ATF7IP: variants seen among roughly 807,000 people sequenced by gnomAD.
ATF7IP encodes activating transcription factor 7-interacting protein 1.
ATF7IP carries 23 observed loss-of-function variants against 106.4 expected under a neutral mutation model. The ratio of observed to expected loss-of-function variants is 0.22; its 90% CI spans 0.16 to 0.31. ATF7IP has a LOEUF of 0.31. ATF7IP is among the 10% of genes least tolerant of loss of function. The probability of loss-of-function intolerance (pLI) is 1.00; values close to 1 mark genes in which losing one functional copy is unlikely to be tolerated. For synonymous variants in ATF7IP, 542 were observed against 539.0 expected, an observed-to-expected ratio of 1.01 and a Z score of -0.08; for missense variants, 1,334 against 1,524.3, an observed-to-expected ratio of 0.88 and a Z score of 2.08.
chr12:14,410,229 G>A lies in ATF7IP; in HGVS notation c.-7-13680G>A, dbSNP rs568603857. On this transcript the variant is annotated intron_variant, in intron 1 of 14. Coordinates refer to ENST00000261168, the MANE Select transcript of ATF7IP (RefSeq NM_018179.5). Reference sequence around the variant, plus strand: ...TGGTTTTAGCTGTCTGTAGTCAACCGTGGGTAATATTAAGTGGAAAAATTT... The same window carrying A: ...TGGTTTTAGCTGTCTGTAGTCAACCATGGGTAATATTAAGTGGAAAAATTT... Among the ~76,000 whole-genome samples the A allele has an allele frequency of 5.1e-4, 78 of 152,228 alleles. 1 individual carries two copies. Among genetic ancestry groups the A allele is most frequent in the African/African-American group, 1.5e-3 (64 of 41,544 alleles).
intron 1 of ATF7IP, among the ~76,000 whole-genome samples, chr12:14,393,836 A>G (rs1222875676): frequency 6.6e-6 from 1 of 152,156 alleles, no homozygotes; most frequent in Non-Finnish European, 1.5e-5. Context: ...GTATTAGTAG[A>G]TAATAAATTA....
chr12:14,397,223 G>A (rs1939900798), intron 1 of ATF7IP, among the ~76,000 whole-genome samples: 1 of 152,022 alleles, frequency 6.6e-6, no homozygotes, highest in Non-Finnish European at 1.5e-5. Context: ...TGAGGATAAA[G>A]GTATATAGTC....
intron 11 of ATF7IP, 65 bp downstream of exon 11, chr12:14,476,033 A>T (rs1944252518): frequency 1.8e-6 from 2 of 1,117,952 alleles, no homozygotes; most frequent in East Asian, 2.4e-5. Flanking sequence ...AATACGGTAC[A>T]GTATTCTACA....
intron 10 of ATF7IP, among the ~76,000 whole-genome samples, chr12:14,468,757 G>A (rs1218324703): frequency 6.6e-6 from 1 of 152,152 alleles, no homozygotes; most frequent in African/African-American, 2.4e-5. Flanking sequence ...GAGTTTTATT[G>A]TGTAATAAGA....
chr12:14,376,626 T>A (rs753411550), intron 1 of ATF7IP, among the ~76,000 whole-genome samples: 4 of 152,252 alleles, frequency 2.6e-5, no homozygotes, highest in Non-Finnish European at 5.9e-5. Context: ...AGCTTTCATC[T>A]GCAGTACCTA....
At chr12:14,455,244 G>A (rs1305968308) in intron 6 of ATF7IP, among the ~76,000 whole-genome samples, 3 of 150,118 alleles carry the variant, frequency 2.0e-5, no homozygotes, top group Non-Finnish European at 4.4e-5. Context: ...TTCCCTAAAA[G>A]CTTTTCTTTT....
At chr12:14,378,700 G>A (rs1938871042) in intron 1 of ATF7IP, among the ~76,000 whole-genome samples, 1 of 152,006 alleles carries the variant, frequency 6.6e-6, no homozygotes, top group South Asian at 2.1e-4. Flanking sequence ...AGAATTGACT[G>A]GTTTGTACAA....
At chr12:14,497,555 A>G in intron 14 of ATF7IP, 99 bp from the exon 15 acceptor site, 1 of 1,224,436 alleles carries the variant, frequency 8.2e-7, no homozygotes, top group Non-Finnish European at 1.1e-6. Flanking sequence ...TTGATATAAA[A>G]TGATACTTCT....
At chr12:14,431,587 G>C (rs979253768) in intron 2 of ATF7IP, among the ~76,000 whole-genome samples, 21 of 151,976 alleles carry the variant, frequency 1.4e-4, no homozygotes, top group East Asian at 7.8e-4. Flanking sequence ...GTAGAGACAG[G>C]GTTTCACCAT....
chr12:14,446,939 GTAATAC>G, intron 5 of ATF7IP, 43 bp from the exon 6 acceptor site: 1 of 1,254,312 alleles, frequency 8.0e-7, no homozygotes, highest in African/African-American at 1.9e-5. Flanking sequence ...TTTTAATGCT[GTAATAC>G]TATTTGATTT....
At chr12:14,376,148 A>G (rs568662863) in intron 1 of ATF7IP, among the ~76,000 whole-genome samples, 22 of 152,356 alleles carry the variant, frequency 1.4e-4, no homozygotes, top group Middle Eastern at 3.4e-3. Flanking sequence ...TCTCACATTG[A>G]TTGTCATATC....
chr12:14,458,188 G>A (rs951330319), intron 8 of ATF7IP, among the ~76,000 whole-genome samples: 1 of 151,996 alleles, frequency 6.6e-6, no homozygotes, highest in African/African-American at 2.4e-5. Context: ...AAATGAAACT[G>A]TGTATTTTCC....
intron 9 of ATF7IP, among the ~76,000 whole-genome samples, chr12:14,465,116 T>C (rs1943780268): frequency 6.6e-6 from 1 of 152,000 alleles, no homozygotes; most frequent in South Asian, 2.1e-4. Flanking sequence ...CTCAGGAGGC[T>C]GAGACGTGAG....
chr12:14,468,938 A>G (rs1943935751), intron 10 of ATF7IP, among the ~76,000 whole-genome samples: 3 of 152,246 alleles, frequency 2.0e-5, no homozygotes, highest in Admixed American at 2.0e-4. Flanking sequence ...GCTAGCAGAT[A>G]GAAACTAGTG....
At position 14,497,712 on chromosome 12, in the gene ATF7IP, T is replaced by A. The variant is rs374729561; in HGVS notation, c.3452T>A (p.Leu1151Gln). ...CCAGAAGCTCCACAACCACAGCGTC[T>A]GCCCCCAGAAGCTGCCAGCACATCT... The part of the protein sequence containing the change: ...PLPEAPQPQR[L>Q]PPEAASTSLP... The change falls in exon 15 of 15, where the codon CTG (leucine) becomes CAG (glutamine). Residue 1151 changes from leucine (L) to glutamine (Q), a missense_variant. Transcript: ENST00000261168. 1 of 1,614,194 alleles carries A rather than the reference T, an allele frequency of 6.2e-7. No homozygotes were observed. The highest frequency in any genetic ancestry group is 8.5e-7 in the Non-Finnish European group (1 of 1,180,038).
chr12:14,420,064 A>G (rs1941414057), intron 1 of ATF7IP: 2 of 152,320 alleles, frequency 1.3e-5, no homozygotes, highest in South Asian at 4.1e-4. Context: ...TTTGTAATTG[A>G]AAAAGTTAGG....
In ATF7IP at chr12:14,438,165, G is replaced by C; in HGVS notation, c.1827G>C (p.Ala609=). 1 of 1,613,194 alleles carries C rather than the reference G, an allele frequency of 6.2e-7. No individual in the cohort carries two copies. Among genetic ancestry groups the C allele is most frequent in the Non-Finnish European group, 8.5e-7 (1 of 1,179,896 alleles). ...IQWLLEEKLC[A]LQCAVFDKTL... is the part of the protein sequence containing the mutation. ...GGTTGCTGGAAGAAAAATTGTGTGC[G>C]CTGCAGTGTGCTGTATTTGATAAGA... The change falls in exon 5 of 15, where the codon GCG becomes GCC. Residue 609 remains alanine, a synonymous_variant. Coordinates refer to ENST00000261168, the MANE Select transcript of ATF7IP (RefSeq NM_018179.5).
At chr12:14,369,904 G>A (rs1467948311) in intron 1 of ATF7IP, among the ~76,000 whole-genome samples, 1 of 151,190 alleles carries the variant, frequency 6.6e-6, no homozygotes, top group Non-Finnish European at 1.5e-5. Context: ...CCGATCCCTT[G>A]ATATACACAA....
intron 1 of ATF7IP, among the ~76,000 whole-genome samples, chr12:14,374,433 G>A (rs1327343616): frequency 2.0e-5 from 3 of 151,802 alleles, no homozygotes; most frequent in African/African-American, 7.3e-5. Context: ...ACTTCCAAGG[G>A]CCTTGTAATA....
Sources: gnomAD v4.1 joint callset for allele counts (sites outside exome capture counted in the v4.1 genomes callset) on GRCh38, gnomAD v4.1.1 for gene constraint, MANE v1.5 for transcripts, NCBI Gene and HGNC (gene_info 2026-07-23, HGNC 2026-07-21) for gene names.